EML6: variants seen among roughly 807,000 people sequenced by gnomAD.
EML6 encodes EMAP like 6.
Under a neutral mutation model 240.1 loss-of-function variants are expected in EML6, and 154 were observed. The ratio of observed to expected loss-of-function variants is 0.64; its 90% CI spans 0.56 to 0.73. The LOEUF (loss-of-function observed/expected upper bound fraction) is 0.73. Among genes scored for constraint, EML6 ranks in the 30% least tolerant of loss-of-function variants. EML6 has a pLI of 0.00. For synonymous variants in EML6, 1,148 were observed against 899.0 expected (o/e 1.28, Z -4.95); for missense variants, 2,964 against 2,474.6 (o/e 1.20, Z -4.20).
chr2:54,879,452 GTTC>G, intron 16 of EML6, 92 bp from the exon 17 acceptor site: 1 of 789,636 alleles, frequency 1.3e-6, no homozygotes, highest in South Asian at 1.7e-5. Flanking sequence ...ATATTTATCA[GTTC>G]TTAAGATCAG....
In EML6 at chr2:54,768,045, A is replaced by T. The variant is rs529378799; in HGVS notation, c.197+42787A>T. On this transcript the variant is annotated intron_variant, in intron 2 of 41. Transcript: ENST00000356458. ...ATTGTTGTCTAGGTAAGTTTCTTTCATTGGTTCAGATGTGGGCCTCTTGAA... is the reference window on the plus strand; with the variant it reads ...ATTGTTGTCTAGGTAAGTTTCTTTCTTTGGTTCAGATGTGGGCCTCTTGAA... Among the ~76,000 whole-genome samples the T allele has an allele frequency of 3.3e-5, 5 of 152,272 alleles. No homozygotes were observed. The South Asian group carries it at 1.0e-3, about 32-fold the overall frequency.
intron 2 of EML6, among the ~76,000 whole-genome samples, chr2:54,738,018 C>T (rs1209709597): frequency 6.6e-6 from 1 of 152,218 alleles, no homozygotes; most frequent in African/African-American, 2.4e-5. Flanking sequence ...ACATTACTCA[C>T]TTCCCTTAGG....
chr2:54,837,092 C>T (rs576453426), intron 7 of EML6, among the ~76,000 whole-genome samples: 1 of 152,304 alleles, frequency 6.6e-6, no homozygotes, highest in South Asian at 2.1e-4. Context: ...CTTCCTCTCT[C>T]TCTTGTTCTT....
intron 11 of EML6, among the ~76,000 whole-genome samples, chr2:54,858,903 T>C (rs140722592): frequency 5.3e-5 from 8 of 152,188 alleles, no homozygotes; most frequent in Non-Finnish European, 7.3e-5. Flanking sequence ...CCATGGACTT[T>C]GGGGTTCTAG....
At chr2:54,866,566 T>C (rs1670981113) in intron 13 of EML6, among the ~76,000 whole-genome samples, 200 bp from the exon 14 acceptor site, 1 of 152,226 alleles carries the variant, frequency 6.6e-6, no homozygotes, top group Admixed American at 6.5e-5. Flanking sequence ...TCAAGAAAGA[T>C]TATTTTAAAA....
Position 54,816,800 on chromosome 2 carries a change from T to TG in EML6, c.375dup (p.Leu126ValfsTer26). ...TCTTATTCTTAGCGTTTAGCCTCTG[T>TG]GGGGTTGGATGCCAAAAACACAGTC... On this transcript the variant is annotated frameshift_variant, in exon 4 of 42. Transcript: ENST00000356458. LOFTEE classifies it high-confidence loss of function. 6.4e-7 allele frequency: 1 copy of TG among 1,551,042 alleles called. No individual in the cohort carries two copies. Among genetic ancestry groups the TG allele is most frequent in the Non-Finnish European group, 8.7e-7 (1 of 1,146,452 alleles).
intron 7 of EML6, among the ~76,000 whole-genome samples, chr2:54,841,436 A>G (rs766572599): frequency 2.0e-5 from 3 of 152,116 alleles, no homozygotes; most frequent in Non-Finnish European, 2.9e-5. Flanking sequence ...TTGAAAAACT[A>G]CTTTCTCTTA....
intron 17 of EML6, among the ~76,000 whole-genome samples, chr2:54,887,813 G>C (rs1672233003): frequency 6.6e-6 from 1 of 152,132 alleles, no homozygotes; most frequent in Admixed American, 6.5e-5. Context: ...AGTAGAGAGA[G>C]TTCCCATTAC....
intron 6 of EML6, among the ~76,000 whole-genome samples, chr2:54,828,431 A>T (rs1018886356): frequency 4.6e-5 from 7 of 152,236 alleles, no homozygotes; most frequent in African/African-American, 1.7e-4. Context: ...AAGATGATGT[A>T]AAAGGCAAAG....
At chr2:54,958,542 C>T (rs919267971) in intron 33 of EML6, among the ~76,000 whole-genome samples, 3 of 152,058 alleles carry the variant, frequency 2.0e-5, no homozygotes, top group African/African-American at 7.3e-5. Context: ...GACACCCACC[C>T]AGGACAGGAG....
intron 28 of EML6, among the ~76,000 whole-genome samples, chr2:54,935,670 T>C (rs1003737490): frequency 3.3e-5 from 5 of 152,312 alleles, no homozygotes; most frequent in African/African-American, 9.6e-5. Flanking sequence ...TTAAAAATTG[T>C]AGTCTTATAT....
At chr2:54,808,059 A>C (rs76061886) in intron 2 of EML6, among the ~76,000 whole-genome samples, 1 of 152,222 alleles carries the variant, frequency 6.6e-6, no homozygotes, top group African/African-American at 2.4e-5. Context: ...ACTATGGATT[A>C]TACGGGTTCT....
rs926068474 is a variant in EML6 at position 54,952,650 on chromosome 2, C to G, written c.4270C>G (p.Gln1424Glu). Residue 1424 changes from glutamine (Q) to glutamate (E), a missense_variant, in exon 31 of 42, where the codon CAG becomes GAG. Gln to Glu is a conservative substitution (Grantham distance 29). Transcript: ENST00000356458. ...TDDILCLTVN[Q>E]HPKYRNVVAT... ...TGACATCCTCTGTCTCACAGTGAAC[C>G]AGCACCCCAAGTACAGAAACGTGGT... 2 of 1,551,406 alleles carry G rather than the reference C, an allele frequency of 1.3e-6. No homozygotes were observed. Among genetic ancestry groups the G allele is most frequent in the Non-Finnish European group, 8.7e-7 (1 of 1,146,900 alleles).
At chr2:54,871,425 T>C (rs776732232) in intron 15 of EML6, 75 bp from the exon 16 acceptor site, 56 of 1,104,898 alleles carry the variant, frequency 5.1e-5, no homozygotes, top group Non-Finnish European at 6.7e-5. Context: ...TTCTGAGCAG[T>C]GTTGGACTCT....
chr2:54,868,134 T>C (rs879362083), intron 14 of EML6: 4 of 152,232 alleles, frequency 2.6e-5, no homozygotes, highest in African/African-American at 7.2e-5. Flanking sequence ...TATAGTAATA[T>C]CTTAGATGTG....
intron 24 of EML6, among the ~76,000 whole-genome samples, chr2:54,908,396 G>T (rs1203703877): frequency 6.6e-6 from 1 of 151,990 alleles, no homozygotes; most frequent in Admixed American, 6.6e-5. Context: ...TGTATTTTTA[G>T]TAGATATGGG....
intron 2 of EML6, among the ~76,000 whole-genome samples, chr2:54,776,153 C>T (rs1185195273): frequency 2.0e-5 from 3 of 151,964 alleles, no homozygotes; most frequent in Non-Finnish European, 4.4e-5. Context: ...TTTGTTTTGC[C>T]TTAGGCTTTT....
chr2:54,961,184 G>GTTGTTGTTTTTTTTTTTTTTTTT, intron 35 of EML6, among the ~76,000 whole-genome samples: 2 of 55,424 alleles, frequency 3.6e-5, no homozygotes, highest in African/African-American at 1.6e-4. Context: ...TCAGGAAGTA[G>GTTGTTGTTTTTTTTTTTTTTTTT]TTTTTTTTTT....
chr2:54,917,358 G>GTTTTTTTTT (rs147785699), intron 26 of EML6, among the ~76,000 whole-genome samples: 204 of 123,772 alleles, frequency 1.6e-3, no homozygotes, highest in Middle Eastern at 4.4e-3. Flanking sequence ...TTTTTTTTTT[G>GTTTTTTTTT]TTTTTTTTTT....
Sources: gnomAD v4.1 joint callset for allele counts (sites outside exome capture counted in the v4.1 genomes callset) on GRCh38, gnomAD v4.1.1 for gene constraint, MANE v1.5 for transcripts, NCBI Gene and HGNC (gene_info 2026-07-23, HGNC 2026-07-21) for gene names.